PFKFB3: variants seen among roughly 807,000 people sequenced by gnomAD.
PFKFB3 encodes the protein 6-phosphofructo-2-kinase/fructose-2,6-bisphosphatase 3.
PFKFB3 carries 33 observed loss-of-function variants against 68.0 expected under a neutral mutation model. The observed-to-expected ratio is 0.49, with a 90% CI of 0.37 to 0.65. PFKFB3 has a LOEUF of 0.65. PFKFB3 is among the 30% of genes least tolerant of loss of function. The pLI is 0.00. For synonymous variants in PFKFB3, 315 were observed against 288.2 expected, an observed-to-expected ratio of 1.09 and a Z score of -0.94; for missense variants, 586 against 712.2, an observed-to-expected ratio of 0.82 and a Z score of 2.02.
chr10:6,226,420 C>G, intron 14 of PFKFB3, 55 bp downstream of exon 14: 1 of 1,532,056 alleles, frequency 6.5e-7, no homozygotes, highest in Non-Finnish European at 8.9e-7. Context: ...GGCGTGATGC[C>G]ACAGATCTGG....
intron 14 of PFKFB3, among the ~76,000 whole-genome samples, chr10:6,245,518 G>C (rs977496671): frequency 6.6e-6 from 1 of 151,942 alleles, no homozygotes; most frequent in Non-Finnish European, 1.5e-5. Context: ...CTAGGTTCAA[G>C]GGATCCTCCG....
rs766438244 is a variant in PFKFB3 at position 6,177,388 on chromosome 10, CT to C, written c.16+32378del. On this transcript the variant is annotated intron_variant, in intron 1 of 14. Transcript: ENST00000379789. ...TCTTTCTTTCTTTCTTTCTTTCTTT[CT>C]TTCTTTCTTTCTTTCTTTCTTCTTT... Among the ~76,000 whole-genome samples the C allele has an allele frequency of 1.9e-3, 124 of 64,446 alleles. 1 individual carries two copies. Among genetic ancestry groups the C allele is most frequent in the Non-Finnish European group, 4.3e-3 (83 of 19,486 alleles). The allele number at this position is 64,446 out of a possible 152,430, so 42.3% of individuals were successfully genotyped here.
chr10:6,228,233 G>GATCA lies in PFKFB3; in HGVS notation c.1515+1869_1515+1872dup, dbSNP rs1204802969. ...CAAGCCTGTCTGTAAGTATCTCTCC[G>GATCA]ATCATCGCTGCTGCTTGCACTGCTT... On this transcript the variant is annotated intron_variant, in intron 14 of 14. Coordinates refer to ENST00000379775, the MANE Select transcript of PFKFB3 (RefSeq NM_004566.4). This position sits in a 1 kb window ranked among gnomAD's most constrained non-coding sequence, Gnocchi z 4.5. 9 of 1,612,400 alleles carry GATCA rather than the reference G, an allele frequency of 5.6e-6. No individual in the cohort carries two copies. Among genetic ancestry groups the GATCA allele is most frequent in the Non-Finnish European group, 7.6e-6 (9 of 1,179,730 alleles).
intron 1 of PFKFB3, among the ~76,000 whole-genome samples, chr10:6,194,162 T>C (rs1305930824): frequency 6.6e-6 from 1 of 151,880 alleles, no homozygotes; most frequent in Non-Finnish European, 1.5e-5. Flanking sequence ...CAGGTTGGGG[T>C]TCCTAACTCC....
chr10:6,189,086 G>A (rs561571196), intron 1 of PFKFB3, among the ~76,000 whole-genome samples: 11 of 152,176 alleles, frequency 7.2e-5, no homozygotes, highest in Admixed American at 3.3e-4. Context: ...TGATCCGCCC[G>A]CCTTGGCCTC....
At chr10:6,323,126 G>A in the PFKFB3 span, among the ~76,000 whole-genome samples, 1 of 152,184 alleles carries the variant, frequency 6.6e-6, no homozygotes, top group Admixed American at 6.5e-5. Context: ...AGGTATTAGA[G>A]TTCTCCAGAG....
At chr10:6,217,032 G>A in intron 5 of PFKFB3, 103 bp from the exon 6 acceptor site, 1 of 1,159,654 alleles carries the variant, frequency 8.6e-7, no homozygotes, top group Non-Finnish European at 1.3e-6. Context: ...GGGAGTTGGT[G>A]GGTGGCGTGC....
the PFKFB3 span, among the ~76,000 whole-genome samples, chr10:6,303,796 T>A: frequency 1.2e-5 from 1 of 86,748 alleles, no homozygotes. Flanking sequence ...TGAGAGTCCA[T>A]CTAAAAAAAA....
chr10:6,179,710 G>T (rs75889531), intron 1 of PFKFB3, among the ~76,000 whole-genome samples: 1 of 152,154 alleles, frequency 6.6e-6, no homozygotes, highest in Non-Finnish European at 1.5e-5. Context: ...AGGTGCCAAG[G>T]CTGCGGCAGC....
chr10:6,326,381 A>T, the PFKFB3 span, among the ~76,000 whole-genome samples: 1 of 152,166 alleles, frequency 6.6e-6, no homozygotes, highest in African/African-American at 2.4e-5. Context: ...GCAGCAAACC[A>T]CCATGGCACA....
downstream of PFKFB3, among the ~76,000 whole-genome samples, chr10:6,235,726 T>G (rs778510434): frequency 6.6e-5 from 10 of 151,956 alleles, no homozygotes; most frequent in Admixed American, 2.0e-4. Context: ...ATTGATAGGC[T>G]TCATGTTTTA....
intron 11 of PFKFB3, 79 bp from the exon 12 acceptor site, chr10:6,223,879 A>C: frequency 4.7e-6 from 6 of 1,288,030 alleles, no homozygotes; most frequent in Non-Finnish European, 5.7e-6. Context: ...GGCCTCCCAA[A>C]GTGCTGGGAT....
the PFKFB3 span, among the ~76,000 whole-genome samples, chr10:6,260,030 A>G: frequency 6.6e-6 from 1 of 152,194 alleles, no homozygotes; most frequent in Non-Finnish European, 1.5e-5. Flanking sequence ...TTTATGGTGA[A>G]GTACAACATA....
chr10:6,256,745 T>A (rs11257598), downstream of PFKFB3, among the ~76,000 whole-genome samples: 74 of 152,310 alleles, frequency 4.9e-4, 1 homozygote, highest in East Asian at 0.012. Flanking sequence ...TAGGCAGAGA[T>A]GGGAGGGCCT....
chr10:6,200,702 G>C (rs1481302858), upstream of PFKFB3, among the ~76,000 whole-genome samples: 1 of 142,190 alleles, frequency 7.0e-6, no homozygotes, highest in Non-Finnish European at 1.5e-5. Context: ...GGCGGGGATT[G>C]AGTTAACTTC....
the PFKFB3 span, among the ~76,000 whole-genome samples, chr10:6,261,273 TC>T: frequency 6.6e-6 from 1 of 152,214 alleles, no homozygotes; most frequent in South Asian, 2.1e-4. Flanking sequence ...GGATGCAAGG[TC>T]TTTCTTTTGT....
At chr10:6,302,601 G>A in the PFKFB3 span, among the ~76,000 whole-genome samples, 2 of 150,510 alleles carry the variant, frequency 1.3e-5, no homozygotes, top group South Asian at 2.1e-4. Flanking sequence ...GGCTGGTCTC[G>A]AACTCTTGAC....
chr10:6,220,445 T>C lies in PFKFB3; in HGVS notation c.624-213T>C, dbSNP rs1460417774. Among the ~76,000 whole-genome samples the C allele has an allele frequency of 6.6e-6, 1 of 152,178 alleles. No homozygotes were observed. Among genetic ancestry groups the C allele is most frequent in the East Asian group, 1.9e-4 (1 of 5,200 alleles). ...TTTTCTTTCTTTTTTCTCCCCCTTTTCTGGGAGGCAGGCCAGCCTCACAGC... is the reference window on the plus strand; with the variant it reads ...TTTTCTTTCTTTTTTCTCCCCCTTTCCTGGGAGGCAGGCCAGCCTCACAGC... On this transcript the variant is annotated intron_variant, in intron 7 of 14. Coordinates refer to ENST00000379775, the MANE Select transcript of PFKFB3 (RefSeq NM_004566.4). The surrounding 1 kb of genome is among the most constrained non-coding windows in gnomAD (Gnocchi z 4.1).
chr10:6,263,379 G>A, the PFKFB3 span, among the ~76,000 whole-genome samples: 1 of 152,240 alleles, frequency 6.6e-6, no homozygotes, highest in African/African-American at 2.4e-5. Flanking sequence ...CAACCTTCCA[G>A]CGTGGGCATT....
Sources: gnomAD v4.1 joint callset for allele counts (sites outside exome capture counted in the v4.1 genomes callset) on GRCh38, gnomAD v4.1.1 for gene constraint, Gnocchi (gnomAD v3.1) non-coding constraint, MANE v1.5 for transcripts, NCBI Gene and HGNC (gene_info 2026-07-23, HGNC 2026-07-21) for gene names.